The following CRACD variants were observed in gnomAD, a reference collection of about 807,000 sequenced individuals.
CRACD encodes the protein capping protein-inhibiting regulator of actin dynamics.
Under a neutral mutation model 106.8 loss-of-function variants are expected in CRACD, and 56 were observed. The observed-to-expected ratio is 0.52, with a 90% CI of 0.42 to 0.66. The LOEUF is 0.66. CRACD is among the 30% of genes least tolerant of loss of function. The probability of loss-of-function intolerance (pLI) is 0.00; values close to 1 mark genes in which losing one functional copy is unlikely to be tolerated. For missense variants in CRACD, 1,730 were observed against 1,623.2 expected, an observed-to-expected ratio of 1.07 and a Z score of -1.13; for synonymous variants, 754 against 670.8, an observed-to-expected ratio of 1.12 and a Z score of -1.92.
At chr4:56,309,035 C>A in intron 5 of CRACD, 1 of 513,650 alleles carries the variant, frequency 1.9e-6, no homozygotes, top group Non-Finnish European at 3.6e-6. Flanking sequence ...AACAAGTCAA[C>A]CAGTATATAA....
At chr4:56,063,784 T>C (rs2109788781) in intron 1 of CRACD, among the ~76,000 whole-genome samples, 1 of 152,362 alleles carries the variant, frequency 6.6e-6, no homozygotes. Context: ...GCCTTTGGGC[T>C]ACTCTGAGTA....
chr4:56,318,906 A>G (rs1745861920), intron 8 of CRACD, among the ~76,000 whole-genome samples: 2 of 152,178 alleles, frequency 1.3e-5, no homozygotes, highest in South Asian at 4.1e-4. Context: ...GTGGATCTAA[A>G]TCTGCAATTG....
At chr4:56,287,051 CA>C (rs1324764054) in intron 3 of CRACD, among the ~76,000 whole-genome samples, 1 of 152,168 alleles carries the variant, frequency 6.6e-6, no homozygotes, top group Non-Finnish European at 1.5e-5. Flanking sequence ...ACAAGCCCTT[CA>C]AAACGCCCTG....
At position 56,058,884 on chromosome 4, in the gene CRACD, C is replaced by T. The variant is rs1422937882; in HGVS notation, c.-336+9585C>T. 2.6e-5 allele frequency among the ~76,000 whole-genome samples: 4 copies of T among 152,200 alleles called. No individual in the cohort carries two copies. The South Asian group carries it at 8.3e-4, about 31-fold the overall frequency. ...AACAATTTTGTCAGGGAACCTCCGA[C>T]ACTTCAATTAATTTCATAATCCATA... On this transcript the variant is annotated intron_variant, in intron 1 of 10. Coordinates refer to ENST00000682029, the MANE Select transcript of CRACD (RefSeq NM_001393381.1).
chr4:56,076,515 C>G (rs938470851), intron 1 of CRACD, among the ~76,000 whole-genome samples: 16 of 152,268 alleles, frequency 1.1e-4, no homozygotes, highest in African/African-American at 3.9e-4. Context: ...AAAGAATTTA[C>G]CCTTCCACAT....
intron 2 of CRACD, among the ~76,000 whole-genome samples, chr4:56,180,496 A>G (rs1458764904): frequency 2.0e-5 from 1 of 48,972 alleles, no homozygotes; most frequent in Non-Finnish European, 3.6e-5. Context: ...CTCAAAATAA[A>G]TAAATAAATA....
rs557745141 is a variant in CRACD, at chr4:56,304,085, CCTCT to C, written c.121-3449_121-3446del. Among the ~76,000 whole-genome samples, 45 of 152,134 alleles carry C rather than the reference CCTCT, an allele frequency of 3.0e-4. 2 individuals are homozygous for C. The South Asian group carries it at 9.2e-3, about 31-fold the overall frequency. On this transcript the variant is annotated intron_variant, in intron 4 of 10. Coordinates refer to ENST00000682029, the MANE Select transcript of CRACD (RefSeq NM_001393381.1). ...TAGATACATTCTGCTTCCCTCCCTC[CCTCT>C]GCCTCTTCTCCCTCTGCCCTCCCCT... is the stretch of plus-strand genomic sequence containing the variant.
At chr4:56,256,886 TG>T (rs907484613) in intron 2 of CRACD, among the ~76,000 whole-genome samples, 60 of 151,848 alleles carry the variant, frequency 4.0e-4, no homozygotes, top group Non-Finnish European at 7.7e-4. Context: ...GGGAAGGGAG[TG>T]GGGGTCAGTC....
chr4:56,070,093 A>C (rs1211732940), intron 1 of CRACD, among the ~76,000 whole-genome samples: 1 of 152,186 alleles, frequency 6.6e-6, no homozygotes, highest in Admixed American at 6.5e-5. Context: ...AAAAATCGAG[A>C]AAGTCGGTAG....
At chr4:56,168,150 G>T (rs1030494214) in intron 1 of CRACD, among the ~76,000 whole-genome samples, 2 of 152,152 alleles carry the variant, frequency 1.3e-5, no homozygotes, top group African/African-American at 2.4e-5. Flanking sequence ...TGCCAATCTT[G>T]GGAGGAGATC....
intron 3 of CRACD, among the ~76,000 whole-genome samples, chr4:56,295,662 TATATATA>T (rs1743970750): frequency 9.4e-3 from 1 of 106 alleles, no homozygotes; most frequent in African/African-American, 0.029. Context: ...TTAGTAAACA[TATATATA>T]TATATATATA....
intron 9 of CRACD, 66 bp from the exon 10 acceptor site, chr4:56,324,038 G>A: frequency 5.2e-6 from 8 of 1,527,244 alleles, no homozygotes; most frequent in Non-Finnish European, 7.1e-6. Context: ...CCGAAGGCCT[G>A]CAGGGTCAGT....
intron 2 of CRACD, among the ~76,000 whole-genome samples, chr4:56,270,898 A>C (rs970091527): frequency 8.6e-5 from 13 of 150,604 alleles, no homozygotes; most frequent in Admixed American, 4.7e-4. Context: ...CCTGGCCAAC[A>C]TGGTGAAGCA....
Position 56,316,185 on chromosome 4 carries a change from A to G in CRACD, c.2683A>G (p.Met895Val). 2 of 1,614,118 alleles carry G rather than the reference A, an allele frequency of 1.2e-6. No individual in the cohort carries two copies. Among genetic ancestry groups the G allele is most frequent in the Non-Finnish European group, 1.7e-6 (2 of 1,180,010 alleles). ...AAGSARGEKEMEGVALKHGPS... is the reference protein window; with the variant it reads ...AAGSARGEKEVEGVALKHGPS... ...GGGGAGCGCTCGTGGAGAGAAAGAGATGGAGGGTGTGGCCCTCAAGCATGG... is the reference window on the plus strand; with the variant it reads ...GGGGAGCGCTCGTGGAGAGAAAGAGGTGGAGGGTGTGGCCCTCAAGCATGG... The change falls in exon 8 of 11, where the codon ATG becomes GTG. Residue 895 changes from methionine (M) to valine (V), a missense_variant. Met to Val is a conservative substitution (Grantham distance 21). Transcript: ENST00000682029.
chr4:56,167,017 C>T lies in CRACD; in HGVS notation c.-335-12267C>T, dbSNP rs150570538. Among the ~76,000 whole-genome samples, 389 of 152,256 alleles carry T rather than the reference C, an allele frequency of 2.6e-3. 4 individuals carry two copies. The highest frequency in any genetic ancestry group is 8.8e-3 in the African/African-American group (367 of 41,542). On this transcript the variant is annotated intron_variant, in intron 1 of 10. Coordinates refer to ENST00000682029, the MANE Select transcript of CRACD (RefSeq NM_001393381.1). ...CTGGTGTGAATGTCCATCCATCAGA[C>T]TCTAAGAACACTGTCTTGAAAAAAC...
At chr4:56,077,495 T>A (rs1732883341) in intron 1 of CRACD, among the ~76,000 whole-genome samples, 1 of 152,228 alleles carries the variant, frequency 6.6e-6, no homozygotes, top group African/African-American at 2.4e-5. Context: ...GATTTAATGC[T>A]GCCTACCAAA....
At chr4:56,326,818 C>T (rs1258761018) in intron 10 of CRACD, among the ~76,000 whole-genome samples, 1 of 151,444 alleles carries the variant, frequency 6.6e-6, no homozygotes, top group Non-Finnish European at 1.5e-5. Context: ...CGATTCACTG[C>T]AACCTCTGCC....
intron 1 of CRACD, among the ~76,000 whole-genome samples, chr4:56,145,741 A>C (rs1041448241): frequency 6.6e-6 from 1 of 151,942 alleles, no homozygotes; most frequent in Non-Finnish European, 1.5e-5. Context: ...TCAGCCCCCC[A>C]AAGTAGCTGG....
intron 1 of CRACD, among the ~76,000 whole-genome samples, chr4:56,157,874 G>T: frequency 6.6e-6 from 1 of 152,240 alleles, no homozygotes; most frequent in Middle Eastern, 3.4e-3. Context: ...CATTTTGAGT[G>T]CCTGGGGCCC....
Sources: gnomAD v4.1 joint callset for allele counts (sites outside exome capture counted in the v4.1 genomes callset) on GRCh38, gnomAD v4.1.1 for gene constraint, MANE v1.5 for transcripts, NCBI Gene and HGNC (gene_info 2026-07-23, HGNC 2026-07-21) for gene names.